Variants in KCNH1 observed in about 807,000 individuals in gnomAD.
KCNH1 encodes the protein potassium voltage-gated channel subfamily H member 1, also known as voltage-gated delayed rectifier potassium channel KCNH1.
KCNH1 carries 27 observed loss-of-function variants against 69.2 expected under a neutral mutation model. The ratio of observed to expected loss-of-function variants is 0.39; its 90% CI spans 0.29 to 0.54. The LOEUF (loss-of-function observed/expected upper bound fraction) is 0.54. KCNH1 is among the 20% of genes least tolerant of loss of function. The pLI, the probability that KCNH1 is intolerant of heterozygous loss-of-function variation, is 0.68. For missense variants in KCNH1, 798 were observed against 1,261.6 expected (o/e 0.63, Z 5.57); for synonymous variants, 456 against 487.7 (o/e 0.93, Z 0.86).
At chr1:210,902,316 G>T (rs1210667581) in intron 7 of KCNH1, among the ~76,000 whole-genome samples, 2 of 152,176 alleles carry the variant, frequency 1.3e-5, no homozygotes, top group Non-Finnish European at 2.9e-5. Context: ...AGCCCAGAGG[G>T]TCTCAAGCAA....
At chr1:210,740,704 ATTT>A (rs199727493) in intron 10 of KCNH1, among the ~76,000 whole-genome samples, 1,599 of 117,210 alleles carry the variant, frequency 0.014, 39 homozygotes, top group African/African-American at 0.05. Flanking sequence ...TTATGATTAA[ATTT>A]TTTTTTTTTT....
chr1:210,806,824 AAAAAAAAAAAAAAT>A (rs1157572795), intron 7 of KCNH1, among the ~76,000 whole-genome samples: 35 of 44,932 alleles, frequency 7.8e-4, no homozygotes, highest in Non-Finnish European at 1.2e-3. Flanking sequence ...AAAAAAAAAA[AAAAAAAAAAAAAAT>A]ATATATATAT....
chr1:210,896,631 G>A (rs778663384), intron 7 of KCNH1, among the ~76,000 whole-genome samples: 2 of 152,060 alleles, frequency 1.3e-5, no homozygotes, highest in African/African-American at 4.8e-5. Context: ...CAATAATATC[G>A]ACTAAAAGTG....
chr1:211,115,083 G>T (rs112375838), intron 1 of KCNH1, among the ~76,000 whole-genome samples: 3,085 of 152,120 alleles, frequency 0.02, 41 homozygotes, highest in South Asian at 0.033. Flanking sequence ...CCGCCTCCCG[G>T]ATTCAAGCAA....
intron 10 of KCNH1, among the ~76,000 whole-genome samples, chr1:210,762,426 A>G (rs577144733): frequency 6.6e-6 from 1 of 152,272 alleles, no homozygotes; most frequent in East Asian, 1.9e-4. Context: ...GGGAGGATCA[A>G]CAAAACAGAA....
At chr1:210,695,562 AATG>A (rs1681620666) in intron 10 of KCNH1, among the ~76,000 whole-genome samples, 2 of 152,228 alleles carry the variant, frequency 1.3e-5, no homozygotes, top group South Asian at 2.1e-4. Flanking sequence ...TCCTTCCCTC[AATG>A]ATAAGTCTCC....
intron 5 of KCNH1, among the ~76,000 whole-genome samples, chr1:211,075,579 G>A (rs893203948): frequency 6.6e-6 from 1 of 152,196 alleles, no homozygotes; most frequent in Non-Finnish European, 1.5e-5. Context: ...CCCCACCCAG[G>A]TGTAGTTGAA....
chr1:210,858,286 A>G (rs1312294888), intron 7 of KCNH1: 1 of 152,176 alleles, frequency 6.6e-6, no homozygotes, highest in Non-Finnish European at 1.5e-5. Flanking sequence ...TCACTTCTAC[A>G]CTGACAGCTT....
At chr1:210,705,407 TC>T (rs1460183377) in intron 10 of KCNH1, among the ~76,000 whole-genome samples, 1 of 152,052 alleles carries the variant, frequency 6.6e-6, no homozygotes, top group African/African-American at 2.4e-5. Context: ...AAAACTAACT[TC>T]CAGAGAGGTG....
Position 210,932,341 on chromosome 1 carries a change from A to G in KCNH1, c.1033-12272T>C, listed in dbSNP as rs554576079. 4.6e-5 allele frequency among the ~76,000 whole-genome samples: 7 copies of G among 152,300 alleles called. No homozygotes were observed. In the South Asian group the frequency reaches 1.5e-3, roughly 32 times the overall value. On this transcript the variant is annotated intron_variant, in intron 6 of 10. Coordinates refer to ENST00000271751, the MANE Select transcript of KCNH1 (RefSeq NM_172362.3). ...TACTACCACAAAAACATATGAAAGT[A>G]TAAACCTCACTGGCTGGGCAGATAT...
At chr1:210,703,568 A>T (rs555525111) in intron 10 of KCNH1, among the ~76,000 whole-genome samples, 7 of 152,364 alleles carry the variant, frequency 4.6e-5, no homozygotes, top group African/African-American at 1.7e-4. Flanking sequence ...CACAACTAGT[A>T]CACATTTAAT....
Position 210,861,704 on chromosome 1 carries a change from A to C in KCNH1, c.1463-57538T>G, listed in dbSNP as rs546567092. On this transcript the variant is annotated intron_variant, in intron 7 of 10. Transcript: ENST00000271751. ...AATATTTGTTTCTGGATGACGACAG[A>C]CTGATCAGACTGGTCAGAAAGAAGC... 4.5e-4 allele frequency: 348 copies of C among 774,660 alleles called. 1 individual carries two copies. The African/African-American group carries it at 5.3e-3, about 12-fold the overall frequency. 48.0% of individuals were successfully genotyped at this position (774,660 alleles called of 1,614,324 possible).
chr1:211,067,886 C>G (rs1690560407), intron 5 of KCNH1, among the ~76,000 whole-genome samples: 1 of 152,220 alleles, frequency 6.6e-6, no homozygotes, highest in African/African-American at 2.4e-5. Flanking sequence ...AGTGAACTAC[C>G]CTATGCCTCT....
intron 7 of KCNH1, among the ~76,000 whole-genome samples, chr1:210,831,548 A>G (rs1685161943): frequency 6.6e-6 from 1 of 152,198 alleles, no homozygotes; most frequent in East Asian, 1.9e-4. Flanking sequence ...ATGCCTCAGT[A>G]GGCCATCTGG....
At chr1:211,125,168 CT>C (rs1438777500) in intron 1 of KCNH1, among the ~76,000 whole-genome samples, 1 of 152,210 alleles carries the variant, frequency 6.6e-6, no homozygotes, top group African/African-American at 2.4e-5. Flanking sequence ...ACTACAACCT[CT>C]CTCTTGCTTC....
chr1:210,875,777 T>C (rs565072279), intron 7 of KCNH1, among the ~76,000 whole-genome samples: 7 of 149,634 alleles, frequency 4.7e-5, no homozygotes, highest in Non-Finnish European at 1.0e-4. Flanking sequence ...CACTCCAGCC[T>C]GGGCTACAGA....
chr1:210,693,860 A>G (rs923787490), intron 10 of KCNH1, among the ~76,000 whole-genome samples: 1 of 151,544 alleles, frequency 6.6e-6, no homozygotes, highest in African/African-American at 2.4e-5. Flanking sequence ...TAACTAACTC[A>G]CTCCTACAGG....
rs545006731 is a variant in KCNH1, at chr1:210,795,406, T to C, written c.1915+2102A>G. 3.3e-5 allele frequency among the ~76,000 whole-genome samples: 5 copies of C among 152,214 alleles called. No individual in the cohort carries two copies. In the South Asian group the frequency reaches 1.0e-3, roughly 32 times the overall value. ...AAGAGATCCACCCGTCTCAGCCACC[T>C]GAAGTGCTGGGATTACAGGTATGAG... is the stretch of plus-strand genomic sequence containing the variant. On this transcript the variant is annotated intron_variant, in intron 9 of 10. Coordinates refer to ENST00000271751, the MANE Select transcript of KCNH1 (RefSeq NM_172362.3).
intron 9 of KCNH1, among the ~76,000 whole-genome samples, chr1:210,782,161 C>T (rs922486598): frequency 6.6e-6 from 1 of 152,186 alleles, no homozygotes; most frequent in African/African-American, 2.4e-5. Flanking sequence ...CTGCTGCATA[C>T]CCAGCACTGT....
Sources: allele counts gnomAD v4.1 joint callset (sites outside exome capture counted in the v4.1 genomes callset), GRCh38; gene constraint gnomAD v4.1.1; transcripts MANE v1.5; gene names NCBI Gene and HGNC (gene_info 2026-07-23, HGNC 2026-07-21).